CUX2: variants seen among roughly 807,000 people sequenced by gnomAD.
CUX2 encodes the protein cut like homeobox 2, also known as homeobox protein cut-like 2.
A neutral mutation model predicts 144.8 loss-of-function variants in CUX2; 40 were observed. That is an observed-to-expected ratio of 0.28 (90% CI 0.21 to 0.36). CUX2 has a LOEUF of 0.36. CUX2 is among the 10% of genes least tolerant of loss of function. The pLI, the probability that CUX2 is intolerant of heterozygous loss-of-function variation, is 1.00. For missense variants in CUX2, 1,615 were observed against 1,994.0 expected (o/e 0.81, Z 3.62); for synonymous variants, 827 against 875.6 (o/e 0.94, Z 0.98).
intron 1 of CUX2, among the ~76,000 whole-genome samples, chr12:111,076,755 A>G (rs1871557385): frequency 6.6e-6 from 1 of 152,120 alleles, no homozygotes; most frequent in African/African-American, 2.4e-5. Flanking sequence ...GCCGTTGACT[A>G]CGGGCCCCAA....
rs1004915717 is a variant in CUX2, at chr12:111,178,615, C to G, written c.64-35585C>G. 2.0e-5 allele frequency among the ~76,000 whole-genome samples: 3 copies of G among 152,214 alleles called. No homozygotes were observed. Among genetic ancestry groups the G allele is most frequent in the Non-Finnish European group, 4.4e-5 (3 of 68,040 alleles). On this transcript the variant is annotated intron_variant, in intron 1 of 21. Transcript: ENST00000261726. The surrounding 1 kb of genome is among the most constrained non-coding windows in gnomAD (Gnocchi z 5.7). ...CTGGGAGGGAGGGCAGGGGTCCCCA[C>G]TTTGATCAGTCAATGAATATTTCTT...
chr12:111,302,198 G>A (rs1886325396), intron 9 of CUX2, among the ~76,000 whole-genome samples: 1 of 152,202 alleles, frequency 6.6e-6, no homozygotes, highest in Non-Finnish European at 1.5e-5. Context: ...AGGTCATTAT[G>A]TAGTTAAACA....
chr12:111,343,534 A>C (rs193171253), intron 21 of CUX2, among the ~76,000 whole-genome samples: 2 of 152,142 alleles, frequency 1.3e-5, no homozygotes. Context: ...CTTGATCCCC[A>C]AGGAATCAAG....
At chr12:111,249,657 A>G (rs1883472294) in intron 3 of CUX2, among the ~76,000 whole-genome samples, 1 of 151,972 alleles carries the variant, frequency 6.6e-6, no homozygotes, top group East Asian at 1.9e-4. Flanking sequence ...GGGTTTCACC[A>G]TGTTGGCCAG....
In CUX2 at chr12:111,051,090, C is replaced by T. The variant is rs1369241568; in HGVS notation, c.63+16850C>T. Among the ~76,000 whole-genome samples, 5 of 152,296 alleles carry T rather than the reference C, an allele frequency of 3.3e-5. No individual in the cohort carries two copies. The East Asian group carries it at 9.6e-4, about 29-fold the overall frequency. On this transcript the variant is annotated intron_variant, in intron 1 of 21. Coordinates refer to ENST00000261726, the MANE Select transcript of CUX2 (RefSeq NM_015267.4). Reference sequence around the variant, plus strand: ...ATTCTATGCATGTAACGAAATATTACATGTATCTCATAAATATATACAAAT... The same window carrying T: ...ATTCTATGCATGTAACGAAATATTATATGTATCTCATAAATATATACAAAT...
intron 3 of CUX2, among the ~76,000 whole-genome samples, chr12:111,237,777 T>C (rs1882832138): frequency 6.6e-6 from 1 of 152,156 alleles, no homozygotes; most frequent in African/African-American, 2.4e-5. Context: ...TCATTGCACT[T>C]CTTTGAAAAT....
intron 1 of CUX2, among the ~76,000 whole-genome samples, chr12:111,192,741 G>A (rs1485034330): frequency 6.6e-6 from 1 of 152,158 alleles, no homozygotes; most frequent in Non-Finnish European, 1.5e-5. Context: ...CTTTTCCTTG[G>A]GGTTTGCAAG....
intron 1 of CUX2, among the ~76,000 whole-genome samples, chr12:111,163,174 T>C (rs572632708): frequency 6.6e-6 from 1 of 152,194 alleles, no homozygotes; most frequent in African/African-American, 2.4e-5. Context: ...ACCCACCTCA[T>C]AGAATTGTTG....
intron 3 of CUX2, among the ~76,000 whole-genome samples, chr12:111,240,473 C>A (rs1272397920): frequency 6.6e-6 from 1 of 152,240 alleles, no homozygotes; most frequent in Admixed American, 6.5e-5. Context: ...TCAAAATCAA[C>A]CAGTTCTAAA....
At chr12:111,247,271 C>T (rs1883323779) in intron 3 of CUX2, among the ~76,000 whole-genome samples, 1 of 152,174 alleles carries the variant, frequency 6.6e-6, no homozygotes. Context: ...GGAGGGCATG[C>T]ATGCCCGGCT....
chr12:111,116,164 C>T (rs1033210055), intron 1 of CUX2, among the ~76,000 whole-genome samples: 5 of 152,162 alleles, frequency 3.3e-5, no homozygotes, highest in African/African-American at 1.2e-4. Context: ...TGAAATTATA[C>T]ATCTACAGAG....
chr12:111,208,406 A>G (rs191009010), intron 1 of CUX2, among the ~76,000 whole-genome samples: 46 of 152,240 alleles, frequency 3.0e-4, no homozygotes, highest in Non-Finnish European at 5.1e-4. Context: ...GTGTGAAATT[A>G]CTTTAAAAAC....
At position 111,178,894 on chromosome 12, in the gene CUX2, A is replaced by C. The variant is rs1879004733; in HGVS notation, c.64-35306A>C. On this transcript the variant is annotated intron_variant, in intron 1 of 21. Transcript: ENST00000261726. The surrounding 1 kb of genome is among the most constrained non-coding windows in gnomAD (Gnocchi z 5.7). ...GTGCCAGGTCCAGGAGCGTGTCTGG[A>C]CTCTGTAACGGGGAATGACAGCAAG... Among the ~76,000 whole-genome samples, 4 of 152,082 alleles carry C rather than the reference A, an allele frequency of 2.6e-5. No individual in the cohort carries two copies. In the South Asian group the frequency reaches 8.3e-4, roughly 32 times the overall value.
At chr12:111,253,919 G>A (rs867677539) in intron 3 of CUX2, among the ~76,000 whole-genome samples, 2 of 151,454 alleles carry the variant, frequency 1.3e-5, no homozygotes, top group African/African-American at 2.4e-5. Context: ...TAGTAGAAAC[G>A]GAGTTTCACT....
In CUX2 at chr12:111,205,580, G is replaced by A. The variant is rs536836386; in HGVS notation, c.64-8620G>A. ...ATGCACACAGCCCCCACCCTTGAGG[G>A]ACTGTGTGCCATTGGTGGTTGTCAA... On this transcript the variant is annotated intron_variant, in intron 1 of 21. Coordinates refer to ENST00000261726, the MANE Select transcript of CUX2 (RefSeq NM_015267.4). Among the ~76,000 whole-genome samples the A allele has an allele frequency of 7.9e-5, 12 of 152,254 alleles. No homozygotes were observed. The East Asian group carries it at 2.3e-3, about 29-fold the overall frequency.
chr12:111,202,122 C>T (rs1044079490), intron 1 of CUX2, among the ~76,000 whole-genome samples: 5 of 152,196 alleles, frequency 3.3e-5, no homozygotes, highest in Admixed American at 6.5e-5. Flanking sequence ...CATTCATTGA[C>T]GAATGAATGA....
chr12:111,332,850 T>C (rs1888181469), intron 18 of CUX2, among the ~76,000 whole-genome samples: 1 of 152,202 alleles, frequency 6.6e-6, no homozygotes, highest in Non-Finnish European at 1.5e-5. Flanking sequence ...CCACCATCTA[T>C]ATTCAGGTTT....
At chr12:111,153,041 G>C (rs1877147434) in intron 1 of CUX2, among the ~76,000 whole-genome samples, 1 of 152,196 alleles carries the variant, frequency 6.6e-6, no homozygotes, top group South Asian at 2.1e-4. Flanking sequence ...TATAGCTGGA[G>C]CAAACCTTTC....
intron 21 of CUX2, among the ~76,000 whole-genome samples, chr12:111,347,316 G>A (rs1438610418): frequency 6.6e-6 from 1 of 152,160 alleles, no homozygotes; most frequent in Admixed American, 6.6e-5. Context: ...TAACATCTCT[G>A]AGCCTTGTTT....
Sources: allele counts gnomAD v4.1 joint callset (sites outside exome capture counted in the v4.1 genomes callset), GRCh38; gene constraint gnomAD v4.1.1; non-coding constraint Gnocchi (gnomAD v3.1); transcripts MANE v1.5; gene names NCBI Gene and HGNC (gene_info 2026-07-23, HGNC 2026-07-21).